The following SLIT3 variants were observed in gnomAD, a reference collection of about 807,000 sequenced individuals.
The protein encoded by SLIT3 is slit guidance ligand 3, also known as slit homolog 3 protein.
A neutral mutation model predicts 184.0 loss-of-function variants in SLIT3; 68 were observed. That is an observed-to-expected ratio of 0.37 (90% CI 0.30 to 0.45). The LOEUF is 0.45. SLIT3 is among the 20% of genes least tolerant of loss of function. The pLI is 1.00. For synonymous variants in SLIT3, 831 were observed against 828.6 expected, an observed-to-expected ratio of 1.00 and a Z score of -0.05; for missense variants, 1,707 against 2,026.0, an observed-to-expected ratio of 0.84 and a Z score of 3.02.
chr5:169,198,707 G>C (rs927067082), intron 3 of SLIT3, among the ~76,000 whole-genome samples: 6 of 152,120 alleles, frequency 3.9e-5, no homozygotes, highest in Admixed American at 3.9e-4. Flanking sequence ...GCCAAGGTGG[G>C]CAGATCACGA....
At chr5:168,690,324 G>A (rs1761867987) in intron 29 of SLIT3, among the ~76,000 whole-genome samples, 1 of 151,948 alleles carries the variant, frequency 6.6e-6, no homozygotes, top group Non-Finnish European at 1.5e-5. Context: ...CAGTAGAGAC[G>A]GGGTTTCACC....
rs547839446 is a variant in SLIT3 at position 168,906,863 on chromosome 5, A to T, written c.414-23527T>A. Among the ~76,000 whole-genome samples the T allele has an allele frequency of 2.0e-4, 31 of 151,914 alleles. No homozygotes were observed. In the South Asian group the frequency reaches 5.6e-3, roughly 28 times the overall value. ...GATTTTTTGTTTATTTATTTATTTA[A>T]TTAATTTATTTATTTGAGATGGAGT... On this transcript the variant is annotated intron_variant, in intron 4 of 35. Coordinates refer to ENST00000519560, the MANE Select transcript of SLIT3 (RefSeq NM_003062.4).
chr5:168,825,066 T>C (rs548876761), intron 6 of SLIT3, among the ~76,000 whole-genome samples: 45 of 152,314 alleles, frequency 3.0e-4, no homozygotes, highest in African/African-American at 1.0e-3. Context: ...ATATCTCTTA[T>C]CTGCAGGTTC....
At chr5:169,073,282 C>A (rs1471092208) in intron 4 of SLIT3, among the ~76,000 whole-genome samples, 1 of 152,174 alleles carries the variant, frequency 6.6e-6, no homozygotes, top group Non-Finnish European at 1.5e-5. Context: ...CTTAGCCCCG[C>A]AGGATGAACA....
chr5:168,908,517 C>T (rs998049998), intron 4 of SLIT3, among the ~76,000 whole-genome samples: 1 of 152,110 alleles, frequency 6.6e-6, no homozygotes. Context: ...AATTCCCAGA[C>T]CTTTCGTGGA....
At chr5:168,850,850 A>G (rs1758642321) in intron 5 of SLIT3, among the ~76,000 whole-genome samples, 1 of 152,210 alleles carries the variant, frequency 6.6e-6, no homozygotes. Context: ...GCAAACAGCG[A>G]TGATGGATTA....
intron 1 of SLIT3, among the ~76,000 whole-genome samples, chr5:169,252,597 C>T (rs1186864804): frequency 6.6e-6 from 1 of 152,184 alleles, no homozygotes; most frequent in Non-Finnish European, 1.5e-5. Context: ...AATAATTGAT[C>T]CCTACAGATT....
chr5:168,817,208 A>T, intron 8 of SLIT3, 92 bp downstream of exon 8: 1 of 1,180,702 alleles, frequency 8.5e-7, no homozygotes, highest in Non-Finnish European at 1.2e-6. Flanking sequence ...GCTCTGGGCT[A>T]GGGTATGTGT....
chr5:168,981,007 CA>C (rs556706435), intron 4 of SLIT3, among the ~76,000 whole-genome samples: 2 of 152,198 alleles, frequency 1.3e-5, no homozygotes, highest in Non-Finnish European at 2.9e-5. Flanking sequence ...TAGTTCTATA[CA>C]AGTACTGACT....
At chr5:169,214,141 A>C (rs1322392952) in intron 3 of SLIT3, among the ~76,000 whole-genome samples, 1 of 152,252 alleles carries the variant, frequency 6.6e-6, no homozygotes, top group Non-Finnish European at 1.5e-5. Flanking sequence ...TTCCCAAGGG[A>C]GTTGTAAGAA....
At chr5:169,269,861 C>G (rs141987300) in intron 1 of SLIT3, among the ~76,000 whole-genome samples, 8 of 152,300 alleles carry the variant, frequency 5.3e-5, no homozygotes, top group African/African-American at 1.7e-4. Context: ...CTGATTATTC[C>G]TTTGAGAATC....
intron 18 of SLIT3, chr5:168,752,686 T>C: frequency 2.2e-6 from 1 of 448,254 alleles, no homozygotes; most frequent in Non-Finnish European, 4.0e-6. Flanking sequence ...TGAGCCACCA[T>C]GCCTGGCCTT....
intron 4 of SLIT3, among the ~76,000 whole-genome samples, chr5:168,952,534 A>AAAAAAAAAAAAAAAAAG (rs1271244382): frequency 8.5e-4 from 51 of 60,324 alleles, no homozygotes; most frequent in African/African-American, 3.7e-3. Flanking sequence ...ATGCCAAAAA[A>AAAAAAAAAAAAAAAAAG]AAAAAAAAAA....
intron 4 of SLIT3, chr5:168,992,871 A>G (rs1755377944): frequency 1.3e-5 from 2 of 152,228 alleles, no homozygotes; most frequent in Admixed American, 6.5e-5. Flanking sequence ...TTCCGTTTTC[A>G]TGTAGGTTGA....
chr5:169,214,894 A>T (rs1764386855), intron 3 of SLIT3, among the ~76,000 whole-genome samples: 1 of 152,058 alleles, frequency 6.6e-6, no homozygotes. Flanking sequence ...ATCTTTAAAT[A>T]TGTCTCCAAA....
At chr5:168,922,631 C>G (rs949810622) in intron 4 of SLIT3, among the ~76,000 whole-genome samples, 4 of 152,096 alleles carry the variant, frequency 2.6e-5, no homozygotes, top group Non-Finnish European at 5.9e-5. Flanking sequence ...ACTGCAGATG[C>G]TGGAGTGCCA....
At chr5:168,774,209 A>G in intron 13 of SLIT3, 26 bp downstream of exon 13, 9 of 1,573,292 alleles carry the variant, frequency 5.7e-6, no homozygotes, top group Non-Finnish European at 6.9e-6. Context: ...TTGGGCACCC[A>G]CTGGCACCCG....
chr5:168,973,590 C>T (rs576467769), intron 4 of SLIT3, among the ~76,000 whole-genome samples: 13 of 152,282 alleles, frequency 8.5e-5, no homozygotes, highest in South Asian at 8.3e-4. Context: ...AAAATTTACA[C>T]GGCTTGTAAT....
chr5:169,074,080 T>G (rs1246643617), intron 4 of SLIT3, among the ~76,000 whole-genome samples: 1 of 152,174 alleles, frequency 6.6e-6, no homozygotes, highest in Non-Finnish European at 1.5e-5. Flanking sequence ...AGCAGCTGGT[T>G]GAACAAGATT....
Sources: allele counts gnomAD v4.1 joint callset (sites outside exome capture counted in the v4.1 genomes callset), GRCh38; gene constraint gnomAD v4.1.1; transcripts MANE v1.5; gene names NCBI Gene and HGNC (gene_info 2026-07-23, HGNC 2026-07-21).